Variants in WNT5B observed in about 807,000 individuals in gnomAD.
WNT5B encodes protein Wnt-5b.
Under a neutral mutation model 36.5 loss-of-function variants are expected in WNT5B, and 18 were observed. The observed-to-expected ratio is 0.49, with a 90% CI of 0.34 to 0.73. WNT5B has a LOEUF of 0.73. Ranked by LOEUF, WNT5B falls within the 30% of genes least tolerant of loss-of-function variation. The probability of loss-of-function intolerance (pLI) is 0.01; values close to 1 mark genes in which losing one functional copy is unlikely to be tolerated. For synonymous variants in WNT5B, 213 were observed against 212.3 expected (o/e 1.00, Z -0.03); for missense variants, 424 against 508.4 (o/e 0.83, Z 1.60).
At chr12:1,638,170 C>T (rs1250608429) in intron 3 of WNT5B, among the ~76,000 whole-genome samples, 3 of 152,134 alleles carry the variant, frequency 2.0e-5, no homozygotes, top group East Asian at 1.9e-4. Context: ...GGCGTGAACC[C>T]GTGAGGCGGA....
In WNT5B at chr12:1,640,212, TTTA is replaced by T. The variant is rs558923471; in HGVS notation, c.621+242_621+244del. Among the ~76,000 whole-genome samples the T allele has an allele frequency of 4.6e-5, 7 of 152,390 alleles. No individual in the cohort carries two copies. In the South Asian group the frequency reaches 1.0e-3, roughly 23 times the overall value. On this transcript the variant is annotated intron_variant, in intron 4 of 4. Transcript: ENST00000397196. ...CTTTTCTTCTTTTCTTTTTACTTAC[TTTA>T]TTATTTCACGGTTCCTAGAGGACTT...
chr12:1,637,642 C>T lies in WNT5B; in HGVS notation c.329-2042C>T, dbSNP rs557846287. ...GCAGGTGCCTGTAATCCCAGCTACTCGGGAGGCTGAGGCAGGAGAATTGTT... is the reference window on the plus strand; with the variant it reads ...GCAGGTGCCTGTAATCCCAGCTACTTGGGAGGCTGAGGCAGGAGAATTGTT... On this transcript the variant is annotated intron_variant, in intron 3 of 4. Transcript: ENST00000397196. 2.9e-4 allele frequency among the ~76,000 whole-genome samples: 43 copies of T among 148,910 alleles called. 1 individual carries two copies. Among genetic ancestry groups the T allele is most frequent in the South Asian group, 6.4e-4 (3 of 4,698 alleles).
chr12:1,640,084 G>C, intron 4 of WNT5B, 108 bp downstream of exon 4: 1 of 1,318,614 alleles, frequency 7.6e-7, no homozygotes, highest in East Asian at 2.8e-5. Flanking sequence ...TAGTCTGACC[G>C]TGAAGATTCT....
chr12:1,641,867 T>C (rs1201763665), intron 4 of WNT5B, among the ~76,000 whole-genome samples: 1 of 151,984 alleles, frequency 6.6e-6, no homozygotes, highest in Admixed American at 6.5e-5. Flanking sequence ...ATCAAAGAAA[T>C]GGAATAGGAA....
At chr12:1,639,321 T>A (rs1406600450) in intron 3 of WNT5B, among the ~76,000 whole-genome samples, 1 of 152,034 alleles carries the variant, frequency 6.6e-6, no homozygotes, top group Non-Finnish European at 1.5e-5. Context: ...GTATTTTTAG[T>A]TGAGACGAAG....
intron 4 of WNT5B, among the ~76,000 whole-genome samples, chr12:1,642,213 G>C (rs1429447971): frequency 1.3e-5 from 2 of 152,206 alleles, no homozygotes. Flanking sequence ...TGTCTTGGCT[G>C]TCTCCCAGTC....
At chr12:1,620,624 C>T (rs1307966246) in intron 1 of WNT5B, among the ~76,000 whole-genome samples, 1 of 151,784 alleles carries the variant, frequency 6.6e-6, no homozygotes, top group African/African-American at 2.4e-5. Flanking sequence ...CTGCAACCTC[C>T]GCCTCTTGGG....
At position 1,639,796 on chromosome 12, in the gene WNT5B, G is replaced by A. The variant is rs764984810; in HGVS notation, c.441G>A (p.Ala147=). Residue 147 remains alanine (A), a synonymous_variant, in exon 4 of 5, where the codon GCG becomes GCA. Coordinates refer to ENST00000397196, the MANE Select transcript of WNT5B (RefSeq NM_032642.3). ...CCACCTGCGGCTGCAGCCGGACGGC[G>A]CGGCCCAAGGACCTGCCCCGGGACT... ...ELSTCGCSRT[A]RPKDLPRDWL... The A allele has an allele frequency of 7.7e-5, 124 of 1,612,364 alleles. No individual in the cohort carries two copies. Among genetic ancestry groups the A allele is most frequent in the Non-Finnish European group, 9.8e-5 (115 of 1,179,342 alleles).
rs748494808 is a variant in WNT5B at position 1,645,919 on chromosome 12, C to T, written c.747C>T (p.Tyr249=). The T allele has an allele frequency of 2.8e-5, 45 of 1,610,358 alleles. No homozygotes were observed. Among genetic ancestry groups the T allele is most frequent in the Non-Finnish European group, 3.4e-5 (40 of 1,179,880 alleles). ...RKVGDRLKEK[Y]DSAAAMRVTR... ...TCGGGGACCGGCTGAAGGAGAAGTACGACAGCGCGGCCGCCATGCGCGTCA... is the reference window on the plus strand; with the variant it reads ...TCGGGGACCGGCTGAAGGAGAAGTATGACAGCGCGGCCGCCATGCGCGTCA... Residue 249 remains tyrosine, a synonymous_variant, in exon 5 of 5, where the codon TAC becomes TAT. Transcript: ENST00000397196.
chr12:1,639,181 A>G (rs1427705225), intron 3 of WNT5B, among the ~76,000 whole-genome samples: 1 of 149,794 alleles, frequency 6.7e-6, no homozygotes, highest in Non-Finnish European at 1.5e-5. Context: ...TCTGTCGCCC[A>G]GGCTGGAGTG....
upstream of WNT5B, among the ~76,000 whole-genome samples, chr12:1,626,567 G>A (rs1372119711): frequency 7.1e-6 from 1 of 141,360 alleles, no homozygotes; most frequent in African/African-American, 2.8e-5. Flanking sequence ...CAGGCCAAGT[G>A]TATTTTTTTT....
At chr12:1,622,400 A>G (rs10848536) in intron 1 of WNT5B, among the ~76,000 whole-genome samples, 97,306 of 152,014 alleles carry the variant, frequency 0.64, 31,697 homozygotes, top group African/African-American at 0.69. Context: ...TTTTTACATT[A>G]TCTTATTAAG....
At chr12:1,619,208 G>T (rs998638623) in intron 1 of WNT5B, among the ~76,000 whole-genome samples, 6 of 147,274 alleles carry the variant, frequency 4.1e-5, no homozygotes, top group African/African-American at 7.5e-5. Flanking sequence ...TTTGGGAGAT[G>T]AGGCTTCCCA....
chr12:1,626,848 A>AGCCACT (rs2094542005), upstream of WNT5B, among the ~76,000 whole-genome samples: 1 of 152,184 alleles, frequency 6.6e-6, no homozygotes, highest in Non-Finnish European at 1.5e-5. Context: ...TACAGTTGTG[A>AGCCACT]GCCACTGCGC....
In WNT5B at chr12:1,639,761, G is replaced by GGCGA; in HGVS notation, c.409_412dup (p.Leu138ArgfsTer75). On this transcript the variant is annotated frameshift_variant, in exon 4 of 5. Transcript: ENST00000397196. LOFTEE classifies it high-confidence loss of function. ...CGCCATCAGCCGGGCCTGCCGCGAG[G>GGCGA]GCGAGCTCTCCACCTGCGGCTGCAG... The GGCGA allele has an allele frequency of 1.2e-6, 2 of 1,607,822 alleles. No homozygotes were observed. The highest frequency in any genetic ancestry group is 1.7e-6 in the Non-Finnish European group (2 of 1,177,056).
intron 4 of WNT5B, among the ~76,000 whole-genome samples, chr12:1,643,260 T>C (rs1190102652): frequency 6.6e-6 from 1 of 152,186 alleles, no homozygotes; most frequent in Non-Finnish European, 1.5e-5. Flanking sequence ...GCCTGGTGCC[T>C]AATCCTGTAA....
At chr12:1,637,981 G>A (rs1443490426) in intron 3 of WNT5B, among the ~76,000 whole-genome samples, 1 of 152,134 alleles carries the variant, frequency 6.6e-6, no homozygotes, top group Admixed American at 6.5e-5. Context: ...AGGCACGGTG[G>A]CTCACGCCTC....
rs2094550243 is a variant in WNT5B at position 1,631,282 on chromosome 12, T to C, written c.-57-16T>C. ...GCTGAGTTTCCACACTGACTCTCCA[T>C]TTCTGTTTTCTCCAGGGAACCCTAC... On this transcript the variant is annotated splice_polypyrimidine_tract_variant and intron_variant, in intron 1 of 4. Coordinates refer to ENST00000397196, the MANE Select transcript of WNT5B (RefSeq NM_032642.3). 13 of 1,592,770 alleles carry C rather than the reference T, an allele frequency of 8.2e-6. No homozygotes were observed. Among genetic ancestry groups the C allele is most frequent in the South Asian group, 7.8e-5 (7 of 89,472 alleles).
chr12:1,643,591 C>T (rs2094579522), intron 4 of WNT5B, among the ~76,000 whole-genome samples: 1 of 151,932 alleles, frequency 6.6e-6, no homozygotes, highest in African/African-American at 2.4e-5. Flanking sequence ...GTCTTGAACT[C>T]CCGACCTCAG....
Sources: allele counts gnomAD v4.1 joint callset (sites outside exome capture counted in the v4.1 genomes callset), GRCh38; gene constraint gnomAD v4.1.1; transcripts MANE v1.5; gene names NCBI Gene and HGNC (gene_info 2026-07-23, HGNC 2026-07-21).